The following ZFC3H1 variants were observed in gnomAD, a reference collection of about 807,000 sequenced individuals.
ZFC3H1 encodes zinc finger C3H1-type containing.
Under a neutral mutation model 243.7 loss-of-function variants are expected in ZFC3H1, and 71 were observed. That is an observed-to-expected ratio of 0.29 (90% confidence interval 0.24 to 0.36). The LOEUF is 0.36. Ranked by LOEUF, ZFC3H1 falls within the 10% of genes least tolerant of loss-of-function variation. The probability of loss-of-function intolerance (pLI) is 1.00; values close to 1 mark genes in which losing one functional copy is unlikely to be tolerated. For synonymous variants in ZFC3H1, 838 were observed against 813.0 expected, an observed-to-expected ratio of 1.03 and a Z score of -0.52; for missense variants, 1,966 against 2,317.1, an observed-to-expected ratio of 0.85 and a Z score of 3.11.
At position 71,634,061 on chromosome 12, in the gene ZFC3H1, A is replaced by G. The variant is rs1565815380; in HGVS notation, c.2510+94T>C. The G allele has an allele frequency of 6.3e-6, 8 of 1,276,488 alleles. No individual in the cohort carries two copies. The African/African-American group carries it at 1.0e-4, about 17-fold the overall frequency. 79.1% of individuals were successfully genotyped at this position (1,276,488 alleles called of 1,614,324 possible). A position where few individuals can be genotyped will look rare whatever the true frequency, so the allele number is the denominator to read the frequency against. On this transcript the variant is annotated intron_variant, in intron 12 of 34. Transcript: ENST00000378743. ...CTACAAAGTTTAAGTGAGAAAATGT[A>G]TAATCTTATAGTACGCTTATTAATA...
intron 3 of ZFC3H1, among the ~76,000 whole-genome samples, chr12:71,647,226 T>C (rs1303363353): frequency 2.0e-5 from 3 of 152,248 alleles, no homozygotes; most frequent in East Asian, 1.9e-4. Flanking sequence ...GTGCCTGTTA[T>C]ACGTCAAACA....
intron 2 of ZFC3H1, among the ~76,000 whole-genome samples, chr12:71,650,681 T>C (rs1457874936): frequency 1.3e-5 from 2 of 152,192 alleles, no homozygotes; most frequent in African/African-American, 4.8e-5. Context: ...TTAAAATCCA[T>C]TGCAGAAATC....
At chr12:71,619,465 T>C in intron 26 of ZFC3H1, 56 bp from the exon 27 acceptor site, 1 of 1,528,872 alleles carries the variant, frequency 6.5e-7, no homozygotes, top group East Asian at 2.3e-5. Context: ...TTAATTAAAA[T>C]GTCACGAGGG....
At chr12:71,621,558 C>G (rs1231485407) in intron 24 of ZFC3H1, among the ~76,000 whole-genome samples, 1 of 152,098 alleles carries the variant, frequency 6.6e-6, no homozygotes, top group Non-Finnish European at 1.5e-5. Context: ...CATGCCTCAG[C>G]AGATTATCAA....
At chr12:71,627,960 C>T in intron 20 of ZFC3H1, 26 bp from the exon 21 acceptor site, 1 of 1,598,370 alleles carries the variant, frequency 6.3e-7, no homozygotes, top group Non-Finnish European at 8.5e-7. Context: ...GTATTATTAG[C>T]TTCACATTTT....
intron 7 of ZFC3H1, 55 bp from the exon 8 acceptor site, chr12:71,637,114 T>C (rs904592535): frequency 1.4e-6 from 2 of 1,427,752 alleles, no homozygotes; most frequent in Middle Eastern, 2.3e-4. Context: ...CTCAAATGCT[T>C]CTCTCTGCAG....
At chr12:71,618,383 C>G (rs1429412742) in intron 27 of ZFC3H1, among the ~76,000 whole-genome samples, 1 of 151,894 alleles carries the variant, frequency 6.6e-6, no homozygotes, top group Admixed American at 6.6e-5. Context: ...GTATTTTCTA[C>G]AAGAAATTTT....
chr12:71,630,679 G>A lies in ZFC3H1; in HGVS notation c.3645C>T (p.Phe1215=), dbSNP rs1880300594. Residue 1215 remains phenylalanine, a synonymous_variant, in exon 18 of 35, where the codon TTC becomes TTT. Coordinates refer to ENST00000378743, the MANE Select transcript of ZFC3H1 (RefSeq NM_144982.5). ...ACAGATTATATGACAGAATGTCCTG[G>A]AATAACTGTTTTCGGCTAAGTGTAT... is the stretch of plus-strand genomic sequence containing the variant. ...QDYTLSRKQL[F]QDILSYNLSL... The A allele has an allele frequency of 1.2e-6, 2 of 1,613,322 alleles. No homozygotes were observed. The highest frequency in any genetic ancestry group is 2.2e-5 in the South Asian group (2 of 91,044).
At position 71,620,052 on chromosome 12, in the gene ZFC3H1, A is replaced by G. The variant is rs1298463; in HGVS notation, c.4923T>C (p.Ala1641=). The part of the protein sequence containing the change: ...SCPINCQLLE[A]LVALYLQTNQ... Reference sequence around the variant, plus strand: ...TTGTTTGCAAATATAATGCAACAAGAGCTTCCAGCAACTGGCAGTTAATAG... The same window carrying G: ...TTGTTTGCAAATATAATGCAACAAGGGCTTCCAGCAACTGGCAGTTAATAG... The change falls in exon 26 of 35, where the codon GCT becomes GCC. Residue 1641 remains alanine (A), a synonymous_variant. Coordinates refer to ENST00000378743, the MANE Select transcript of ZFC3H1 (RefSeq NM_144982.5). The G allele has an allele frequency of 0.69, 1,118,209 of 1,613,232 alleles. 397,975 individuals carry two copies. Among genetic ancestry groups the G allele is most frequent in the Middle Eastern group, 0.77 (4,667 of 6,058 alleles).
chr12:71,610,865 T>C, intron 33 of ZFC3H1, 108 bp from the exon 34 acceptor site: 2 of 1,419,730 alleles, frequency 1.4e-6, no homozygotes, highest in Admixed American at 2.0e-5. Context: ...TGAGACAAAA[T>C]GGTTATGCTG....
intron 3 of ZFC3H1, among the ~76,000 whole-genome samples, chr12:71,646,273 TTC>T (rs1265052884): frequency 6.6e-6 from 1 of 152,212 alleles, no homozygotes; most frequent in Non-Finnish European, 1.5e-5. Context: ...ATTATTATGG[TTC>T]TTTTTTAAAT....
At chr12:71,646,058 T>G (rs989863820) in intron 3 of ZFC3H1, among the ~76,000 whole-genome samples, 2 of 152,204 alleles carry the variant, frequency 1.3e-5, no homozygotes, top group African/African-American at 4.8e-5. Flanking sequence ...AGGTAAATTG[T>G]AATTATATTT....
At chr12:71,649,273 G>A (rs1880815589) in intron 2 of ZFC3H1, among the ~76,000 whole-genome samples, 1 of 152,086 alleles carries the variant, frequency 6.6e-6, no homozygotes, top group Non-Finnish European at 1.5e-5. Context: ...AAATACCCAA[G>A]TTCATTGCGT....
intron 5 of ZFC3H1, among the ~76,000 whole-genome samples, 154 bp from the exon 6 acceptor site, chr12:71,642,713 T>C (rs1397895146): frequency 1.3e-5 from 2 of 152,202 alleles, no homozygotes; most frequent in East Asian, 3.8e-4. Flanking sequence ...TCAATTCAAA[T>C]GATAGGTACA....
intron 11 of ZFC3H1, 79 bp downstream of exon 11, chr12:71,634,625 C>G: frequency 7.0e-7 from 1 of 1,432,128 alleles, no homozygotes; most frequent in Non-Finnish European, 9.4e-7. Context: ...CACTCATTCC[C>G]CAGTGCCAAG....
chr12:71,613,471 C>T (rs1879822800), intron 30 of ZFC3H1, 36 bp from the exon 31 acceptor site: 3 of 1,475,262 alleles, frequency 2.0e-6, no homozygotes, highest in Non-Finnish European at 2.8e-6. Flanking sequence ...ATGAATGCAA[C>T]CAAAATGTGA....
intron 2 of ZFC3H1, chr12:71,656,591 T>C (rs1258187488): frequency 7.9e-6 from 5 of 631,188 alleles, no homozygotes; most frequent in East Asian, 5.7e-5. Context: ...TCATATTTAA[T>C]GGTAAATGTC....
chr12:71,610,577 A>AG lies in ZFC3H1; in HGVS notation c.5833-13dup. 2 of 1,613,038 alleles carry AG rather than the reference A, an allele frequency of 1.2e-6. No individual in the cohort carries two copies. The highest frequency in any genetic ancestry group is 1.7e-6 in the Non-Finnish European group (2 of 1,179,426). On this transcript the variant is annotated splice_polypyrimidine_tract_variant and intron_variant, in intron 34 of 34. Transcript: ENST00000378743. ...TCAAACAAGAGTTGCTGTAAAAGACAGGGAAGCATAGAAGTAAGACTTAGC... is the reference window on the plus strand; with the variant it reads ...TCAAACAAGAGTTGCTGTAAAAGACAGGGGAAGCATAGAAGTAAGACTTAGC...
rs140847211 is a variant in ZFC3H1 at position 71,612,483 on chromosome 12, A to C, written c.5628-596T>G. Among the ~76,000 whole-genome samples, 683 of 152,284 alleles carry C rather than the reference A, an allele frequency of 4.5e-3. 6 individuals carry two copies. The highest frequency in any genetic ancestry group is 0.016 in the African/African-American group (657 of 41,570). On this transcript the variant is annotated intron_variant, in intron 31 of 34. Coordinates refer to ENST00000378743, the MANE Select transcript of ZFC3H1 (RefSeq NM_144982.5). Reference sequence around the variant, plus strand: ...TCACGTTTTATCAAAGGTGTTTCATAATTAACATTTCTGTAATGAGCTTCT... The same window carrying C: ...TCACGTTTTATCAAAGGTGTTTCATCATTAACATTTCTGTAATGAGCTTCT...
Sources: allele counts gnomAD v4.1 joint callset (sites outside exome capture counted in the v4.1 genomes callset), GRCh38; gene constraint gnomAD v4.1.1; transcripts MANE v1.5; gene names NCBI Gene and HGNC (gene_info 2026-07-23, HGNC 2026-07-21).